SPOCK3: variants seen among roughly 807,000 people sequenced by gnomAD.
SPOCK3 encodes testican-3.
A neutral mutation model predicts 56.6 loss-of-function variants in SPOCK3; 30 were observed. The ratio of observed to expected loss-of-function variants is 0.53; its 90% CI spans 0.40 to 0.72. The LOEUF is 0.72. Among genes scored for constraint, SPOCK3 ranks in the 30% least tolerant of loss-of-function variants. The pLI is 0.00. For missense variants in SPOCK3, 527 were observed against 530.0 expected (o/e 0.99, Z 0.06); for synonymous variants, 196 against 183.3 (o/e 1.07, Z -0.56).
intron 4 of SPOCK3, among the ~76,000 whole-genome samples, chr4:166,992,233 C>T (rs766770000): frequency 2.6e-5 from 4 of 151,890 alleles, no homozygotes; most frequent in African/African-American, 7.3e-5. Context: ...GAGTGGTCTG[C>T]GGAGGAAAGA....
rs138505367 is a variant in SPOCK3 at position 167,039,072 on chromosome 4, C to T, written c.235+23420G>A. Among the ~76,000 whole-genome samples, 712 of 152,270 alleles carry T rather than the reference C, an allele frequency of 4.7e-3. 3 individuals carry two copies. The highest frequency in any genetic ancestry group is 7.9e-3 in the Non-Finnish European group (537 of 68,014). On this transcript the variant is annotated intron_variant, in intron 3 of 10. Transcript: ENST00000357545. ...AGCAGTGCTGGGTCCTTCTTGAGGG[C>T]TCCAAGAGACGCTCTAGTCCATGCT...
At position 166,959,795 on chromosome 4, in the gene SPOCK3, T is replaced by A. The variant is rs572320758; in HGVS notation, c.350+40554A>T. 2.6e-4 allele frequency among the ~76,000 whole-genome samples: 40 copies of A among 152,246 alleles called. 1 individual carries two copies. The highest frequency in any genetic ancestry group is 9.6e-4 in the African/African-American group (40 of 41,550). On this transcript the variant is annotated intron_variant, in intron 4 of 10. Transcript: ENST00000357545. Reference sequence around the variant, plus strand: ...GTAATACTATTAAAATTACATTGACTATTTTATGTGCACCATATATAATAT... The same window carrying A: ...GTAATACTATTAAAATTACATTGACAATTTTATGTGCACCATATATAATAT...
intron 6 of SPOCK3, among the ~76,000 whole-genome samples, chr4:166,887,719 A>T (rs1218760275): frequency 6.6e-6 from 1 of 152,070 alleles, no homozygotes; most frequent in Non-Finnish European, 1.5e-5. Flanking sequence ...AGCAAGGATG[A>T]GGCTTAAAGA....
At chr4:166,955,478 T>A (rs1169225850) in intron 4 of SPOCK3, among the ~76,000 whole-genome samples, 1 of 146,016 alleles carries the variant, frequency 6.8e-6, no homozygotes, top group Non-Finnish European at 1.5e-5. Context: ...ATATTATATT[T>A]AATTATATTA....
chr4:166,971,849 T>TTAC (rs768061002), intron 4 of SPOCK3, among the ~76,000 whole-genome samples: 1 of 152,082 alleles, frequency 6.6e-6, no homozygotes, highest in Non-Finnish European at 1.5e-5. Context: ...CTCTGTCAGA[T>TTAC]TACTACTACT....
At chr4:166,842,028 C>G (rs1168604965) in intron 6 of SPOCK3, among the ~76,000 whole-genome samples, 1 of 152,056 alleles carries the variant, frequency 6.6e-6, no homozygotes, top group African/African-American at 2.4e-5. Context: ...CCTTCTCAGT[C>G]AGTGTTAAGG....
At chr4:167,180,543 C>T (rs1731369661) in intron 2 of SPOCK3, among the ~76,000 whole-genome samples, 1 of 152,124 alleles carries the variant, frequency 6.6e-6, no homozygotes, top group Non-Finnish European at 1.5e-5. Context: ...TAAATAGGTT[C>T]TAATAAGCAA....
intron 2 of SPOCK3, among the ~76,000 whole-genome samples, chr4:167,228,445 C>G (rs542908150): frequency 6.6e-6 from 1 of 152,082 alleles, no homozygotes; most frequent in African/African-American, 2.4e-5. Context: ...CATAGAAAAT[C>G]GAGTAAAGTT....
intron 4 of SPOCK3, among the ~76,000 whole-genome samples, chr4:166,921,344 A>C (rs1476566558): frequency 3.2e-5 from 4 of 123,452 alleles, no homozygotes; most frequent in African/African-American, 1.2e-4. Context: ...TTTTTTTTTG[A>C]GACTGAGTCT....
intron 6 of SPOCK3, among the ~76,000 whole-genome samples, chr4:166,843,609 G>A (rs993067331): frequency 2.6e-5 from 4 of 152,150 alleles, no homozygotes; most frequent in Admixed American, 6.5e-5. Context: ...TTGAAAGACA[G>A]CCCTGAGACT....
intron 4 of SPOCK3, among the ~76,000 whole-genome samples, chr4:166,987,495 C>A (rs1010016273): frequency 6.6e-6 from 1 of 152,050 alleles, no homozygotes; most frequent in African/African-American, 2.4e-5. Context: ...GTGAAAGTAA[C>A]AAAATTAGAG....
At chr4:167,134,975 T>C (rs1762994804) in intron 2 of SPOCK3, among the ~76,000 whole-genome samples, 1 of 151,846 alleles carries the variant, frequency 6.6e-6, no homozygotes, top group East Asian at 1.9e-4. Context: ...ATCCATAAAG[T>C]GAAAAAGATT....
intron 2 of SPOCK3, among the ~76,000 whole-genome samples, chr4:167,223,334 T>A (rs1290035068): frequency 6.9e-6 from 1 of 145,608 alleles, no homozygotes; most frequent in African/African-American, 2.5e-5. Flanking sequence ...GCATATATAT[T>A]TATATATGTT....
At chr4:166,940,220 G>C (rs1740889647) in intron 4 of SPOCK3, among the ~76,000 whole-genome samples, 1 of 152,130 alleles carries the variant, frequency 6.6e-6, no homozygotes, top group African/African-American at 2.4e-5. Context: ...TTATCCTTCT[G>C]ACTATGATGA....
chr4:166,945,368 A>T (rs1256840566), intron 4 of SPOCK3, among the ~76,000 whole-genome samples: 2 of 152,172 alleles, frequency 1.3e-5, no homozygotes, highest in Non-Finnish European at 2.9e-5. Context: ...ATAAATCATG[A>T]TGATTCTAAT....
At chr4:166,749,492 T>TG (rs1019253871) in intron 8 of SPOCK3, among the ~76,000 whole-genome samples, 29 of 151,504 alleles carry the variant, frequency 1.9e-4, no homozygotes, top group Non-Finnish European at 2.1e-4. Context: ...TATGGTGCGG[T>TG]GGGGGGAGCG....
chr4:166,785,977 C>A (rs1430234836), intron 7 of SPOCK3, among the ~76,000 whole-genome samples: 1 of 152,074 alleles, frequency 6.6e-6, no homozygotes, highest in Non-Finnish European at 1.5e-5. Context: ...AAACTATTGA[C>A]CTTAGAGTGC....
chr4:166,938,202 A>C (rs943390922), intron 4 of SPOCK3, among the ~76,000 whole-genome samples: 2 of 152,040 alleles, frequency 1.3e-5, no homozygotes, highest in African/African-American at 4.8e-5. Flanking sequence ...TCAAGTAGTT[A>C]AAGGATTGCT....
Position 167,058,139 on chromosome 4 carries a change from G to A in SPOCK3, c.235+4353C>T, listed in dbSNP as rs193068215. 4.1e-3 allele frequency among the ~76,000 whole-genome samples: 620 copies of A among 152,256 alleles called. 9 individuals carry two copies. Among genetic ancestry groups the A allele is most frequent in the African/African-American group, 0.014 (566 of 41,550 alleles). On this transcript the variant is annotated intron_variant, in intron 3 of 10. Coordinates refer to ENST00000357545, the MANE Select transcript of SPOCK3 (RefSeq NM_001040159.2). Reference sequence around the variant, plus strand: ...ACTCCTATTCAACATAGTGTTGGAAGTTCTGGCCAGGGCAATTAGGCAGGA... The same window carrying A: ...ACTCCTATTCAACATAGTGTTGGAAATTCTGGCCAGGGCAATTAGGCAGGA...
Sources: allele counts gnomAD v4.1 joint callset (sites outside exome capture counted in the v4.1 genomes callset), GRCh38; gene constraint gnomAD v4.1.1; transcripts MANE v1.5; gene names NCBI Gene and HGNC (gene_info 2026-07-23, HGNC 2026-07-21).